Variants in NELL1 observed in about 807,000 individuals in gnomAD.
NELL1 encodes neural EGFL like 1.
NELL1 carries 76 observed loss-of-function variants against 107.4 expected under a neutral mutation model. That is an observed-to-expected ratio of 0.71 (90% CI 0.59 to 0.86). NELL1 has a LOEUF of 0.86. NELL1 is among the 40% of genes least tolerant of loss of function. The pLI is 0.00. For synonymous variants in NELL1, 353 were observed against 341.2 expected, an observed-to-expected ratio of 1.03 and a Z score of -0.38; for missense variants, 1,024 against 1,005.5, an observed-to-expected ratio of 1.02 and a Z score of -0.25.
intron 14 of NELL1, among the ~76,000 whole-genome samples, chr11:21,324,948 T>C (rs956837836): frequency 3.9e-5 from 6 of 152,054 alleles, no homozygotes; most frequent in African/African-American, 1.4e-4. Flanking sequence ...CTGAGTGTTT[T>C]AGAATCATCC....
rs149293322 is a variant in NELL1 at position 21,290,135 on chromosome 11, C to T, written c.1549+60681C>T. On this transcript the variant is annotated intron_variant, in intron 14 of 19. Transcript: ENST00000357134. ...CTGTAATCCCAGCACTTTGGGAGGCCGAGGTGGGCGGATCACGAGGTCAGG... is the reference window on the plus strand; with the variant it reads ...CTGTAATCCCAGCACTTTGGGAGGCTGAGGTGGGCGGATCACGAGGTCAGG... 9.7e-3 allele frequency among the ~76,000 whole-genome samples: 1,475 copies of T among 152,118 alleles called. 58 individuals are homozygous for T. In the East Asian group the frequency reaches 0.14, roughly 14 times the overall value.
At chr11:20,981,962 C>T (rs543801239) in intron 12 of NELL1, among the ~76,000 whole-genome samples, 1 of 147,374 alleles carries the variant, frequency 6.8e-6, no homozygotes, top group East Asian at 1.9e-4. Flanking sequence ...CTCTTTCTCT[C>T]TCTCTCTCTC....
chr11:21,504,148 G>T (rs1855222266), intron 15 of NELL1: 1 of 152,198 alleles, frequency 6.6e-6, no homozygotes, highest in Admixed American at 6.5e-5. Flanking sequence ...TGCTCTCCAG[G>T]GCTTACTGCA....
At chr11:20,691,905 A>G (rs1446619354) in intron 2 of NELL1, among the ~76,000 whole-genome samples, 4 of 152,282 alleles carry the variant, frequency 2.6e-5, no homozygotes, top group East Asian at 1.9e-4. Flanking sequence ...CCATGAATCC[A>G]TCGGGTCCTG....
At chr11:20,680,685 T>C (rs1854169344) in intron 2 of NELL1, among the ~76,000 whole-genome samples, 1 of 152,124 alleles carries the variant, frequency 6.6e-6, no homozygotes, top group South Asian at 2.1e-4. Flanking sequence ...AATAATCCTC[T>C]TTGGTTTTGG....
At chr11:21,572,761 A>G (rs1222247256) in intron 18 of NELL1, among the ~76,000 whole-genome samples, 1 of 151,862 alleles carries the variant, frequency 6.6e-6, no homozygotes, top group African/African-American at 2.4e-5. Context: ...AAGAGAAATT[A>G]ATTGCTCTTT....
At chr11:20,711,249 CT>C (rs1855107006) in intron 2 of NELL1, among the ~76,000 whole-genome samples, 1 of 152,004 alleles carries the variant, frequency 6.6e-6, no homozygotes, top group Non-Finnish European at 1.5e-5. Flanking sequence ...TTTTCCACCC[CT>C]TTACCTTTAG....
At chr11:20,952,950 T>C (rs1851097578) in intron 11 of NELL1, among the ~76,000 whole-genome samples, 1 of 152,178 alleles carries the variant, frequency 6.6e-6, no homozygotes, top group South Asian at 2.1e-4. Flanking sequence ...TGGCCCTACC[T>C]TCTGTCCACA....
At chr11:20,675,180 A>C (rs1052217758) in intron 1 of NELL1, among the ~76,000 whole-genome samples, 21 of 152,196 alleles carry the variant, frequency 1.4e-4, no homozygotes, top group African/African-American at 4.8e-4. Flanking sequence ...TGCCTGAATA[A>C]TGTTACTAAC....
At chr11:20,903,739 T>C (rs956194324) in intron 5 of NELL1, among the ~76,000 whole-genome samples, 1 of 152,066 alleles carries the variant, frequency 6.6e-6, no homozygotes, top group African/African-American at 2.4e-5. Context: ...GTCAACAAAA[T>C]GTTAGAGTAG....
At chr11:21,029,980 C>T (rs933451499) in intron 12 of NELL1, among the ~76,000 whole-genome samples, 3 of 152,108 alleles carry the variant, frequency 2.0e-5, no homozygotes, top group Non-Finnish European at 4.4e-5. Flanking sequence ...CTAGAGTGAC[C>T]TGCTGAATGG....
intron 14 of NELL1, among the ~76,000 whole-genome samples, chr11:21,337,837 T>TTGCTTGCTTTCTTTCTTTC (rs1555006224): frequency 1.2e-5 from 1 of 86,616 alleles, no homozygotes. Context: ...TCTTTCTTTC[T>TTGCTTGCTTTCTTTCTTTC]TTTCTTTCTT....
chr11:21,360,619 T>C lies in NELL1; in HGVS notation c.1550-10234T>C, dbSNP rs181842832. On this transcript the variant is annotated intron_variant, in intron 14 of 19. Transcript: ENST00000357134. The stretch of plus-strand genomic sequence containing the variant: ...GTTTCCCACTATTATTAAGTTGCCA[T>C]CTACCTTATTTCTTAGGTCTAGTAG... Among the ~76,000 whole-genome samples, 102 of 152,308 alleles carry C rather than the reference T, an allele frequency of 6.7e-4. 2 individuals are homozygous for C. The highest frequency in any genetic ancestry group is 3.4e-3 in the Middle Eastern group (1 of 294).
intron 15 of NELL1, among the ~76,000 whole-genome samples, chr11:21,495,915 G>A (rs1359291632): frequency 6.6e-6 from 1 of 151,860 alleles, no homozygotes; most frequent in East Asian, 1.9e-4. Flanking sequence ...TAAATATATT[G>A]TCATATATGA....
At chr11:21,435,200 C>T (rs1267268489) in intron 15 of NELL1, among the ~76,000 whole-genome samples, 3 of 151,956 alleles carry the variant, frequency 2.0e-5, no homozygotes, top group East Asian at 1.9e-4. Flanking sequence ...GATAGGACTT[C>T]TGGTCCTATC....
At chr11:20,973,484 A>G (rs1851542950) in intron 12 of NELL1, among the ~76,000 whole-genome samples, 1 of 152,160 alleles carries the variant, frequency 6.6e-6, no homozygotes, top group East Asian at 1.9e-4. Flanking sequence ...ATTCATCTTT[A>G]TATCCGCAGC....
chr11:21,560,077 T>G (rs1856812712), intron 16 of NELL1, 112 bp from the exon 17 acceptor site: 7 of 999,284 alleles, frequency 7.0e-6, no homozygotes, highest in Non-Finnish European at 1.1e-5. Flanking sequence ...TGGCAGTACC[T>G]AGCACAAGGT....
intron 13 of NELL1, among the ~76,000 whole-genome samples, chr11:21,174,304 T>A (rs1278309674): frequency 2.6e-5 from 4 of 151,880 alleles, no homozygotes; most frequent in Admixed American, 2.6e-4. Flanking sequence ...AAATTCTATA[T>A]TTCCCACAAA....
In NELL1 at chr11:21,490,911, C is replaced by T. The variant is rs143982202; in HGVS notation, c.1646-43463C>T. Among the ~76,000 whole-genome samples the T allele has an allele frequency of 8.1e-3, 1,233 of 151,934 alleles. 10 individuals carry two copies. The highest frequency in any genetic ancestry group is 0.015 in the African/African-American group (641 of 41,474). On this transcript the variant is annotated intron_variant, in intron 15 of 19. Transcript: ENST00000357134. Reference sequence around the variant, plus strand: ...TAAGAAAAGATTTCATGGCTAAGACCGCAACAGCACAGACAACTATAACAA... The same window carrying T: ...TAAGAAAAGATTTCATGGCTAAGACTGCAACAGCACAGACAACTATAACAA...
Sources: gnomAD v4.1 joint callset for allele counts (sites outside exome capture counted in the v4.1 genomes callset) on GRCh38, gnomAD v4.1.1 for gene constraint, MANE v1.5 for transcripts, NCBI Gene and HGNC (gene_info 2026-07-23, HGNC 2026-07-21) for gene names.